The following AP4E1 variants were observed in gnomAD, a reference collection of about 807,000 sequenced individuals.
AP4E1 encodes adaptor related protein complex 4 subunit epsilon 1.
A neutral mutation model predicts 128.2 loss-of-function variants in AP4E1; 56 were observed. The ratio of observed to expected loss-of-function variants is 0.44; its 90% CI spans 0.35 to 0.55. The LOEUF (loss-of-function observed/expected upper bound fraction) is 0.55, where lower values mean the gene tolerates loss of function less well. AP4E1 is among the 20% of genes least tolerant of loss of function. AP4E1 has a pLI of 0.00. For synonymous variants in AP4E1, 484 were observed against 473.1 expected, an observed-to-expected ratio of 1.02 and a Z score of -0.30; for missense variants, 1,324 against 1,307.7, an observed-to-expected ratio of 1.01 and a Z score of -0.19.
intron 2 of AP4E1, among the ~76,000 whole-genome samples, chr15:50,913,705 A>G (rs2063592900): frequency 6.6e-6 from 1 of 152,254 alleles, no homozygotes; most frequent in African/African-American, 2.4e-5. Context: ...TTGAAACTTA[A>G]TGGCTTAAAT....
chr15:51,002,572 A>G lies in AP4E1; in HGVS notation c.3324A>G (p.Ala1108=). The change falls in exon 21 of 21, where the codon GCA becomes GCG. Residue 1108 remains alanine, a synonymous_variant. Transcript: ENST00000261842. ...IPCLLHCRVH[A]DVLALWFRSS... is the part of the protein sequence containing the mutation. Reference sequence around the variant, plus strand: ...GCTTACTGCATTGCCGAGTTCATGCAGATGTATTAGCCCTGTGGTTCAGAT... The same window carrying G: ...GCTTACTGCATTGCCGAGTTCATGCGGATGTATTAGCCCTGTGGTTCAGAT... 1 of 1,614,184 alleles carries G rather than the reference A, an allele frequency of 6.2e-7. No homozygotes were observed. The highest frequency in any genetic ancestry group is 8.5e-7 in the Non-Finnish European group (1 of 1,180,024).
intron 15 of AP4E1, among the ~76,000 whole-genome samples, chr15:50,980,010 C>T (rs781161759): frequency 3.3e-5 from 5 of 151,936 alleles, no homozygotes; most frequent in Non-Finnish European, 5.9e-5. Flanking sequence ...CTTAGATTGC[C>T]GTAAACATAA....
Position 51,004,168 on chromosome 15 carries a change from C to T in AP4E1, c.*1506C>T, listed in dbSNP as rs765216634. On this transcript the variant is annotated 3_prime_UTR_variant, in exon 21 of 21. Transcript: ENST00000261842. ...CCTTTTGAATAGATCAGATTCATCC[C>T]CAGGCTCTCAGCAGTGTCATGATGA... 6 of 152,134 alleles carry T rather than the reference C, an allele frequency of 3.9e-5. No homozygotes were observed. The highest frequency in any genetic ancestry group is 7.3e-5 in the Non-Finnish European group (5 of 68,046). The allele number at this position is 152,134 out of a possible 1,614,324, so 9.4% of individuals were successfully genotyped here.
intron 14 of AP4E1, among the ~76,000 whole-genome samples, chr15:50,963,661 A>G (rs1352475226): frequency 6.6e-6 from 1 of 152,212 alleles, no homozygotes; most frequent in Non-Finnish European, 1.5e-5. Flanking sequence ...TAGGGTGACT[A>G]TAGTTAGTAA....
At chr15:50,908,449 A>G (rs1187418761), upstream of AP4E1, 1 of 236,732 alleles carries the variant, frequency 4.2e-6, no homozygotes, top group African/African-American at 2.3e-5. Context: ...TCTGGGAGAC[A>G]GTGCCTAACA....
At chr15:50,986,597 T>G (rs1376544680) in intron 16 of AP4E1, among the ~76,000 whole-genome samples, 29 of 152,246 alleles carry the variant, frequency 1.9e-4, no homozygotes, top group Admixed American at 1.8e-3. Context: ...TCTGTTTATA[T>G]GCTGGATTAC....
chr15:50,938,505 C>A (rs955267714), intron 8 of AP4E1, among the ~76,000 whole-genome samples: 3 of 152,154 alleles, frequency 2.0e-5, no homozygotes, highest in African/African-American at 7.2e-5. Flanking sequence ...GCCCAAGAGA[C>A]AGCTGGAATT....
In AP4E1 at chr15:50,997,849, C is replaced by T. The variant is rs1410938288; in HGVS notation, c.2870C>T (p.Ala957Val). ...AAGAGTGGTTTGGAATTGAAAAGTGCTGACTTAGAAATTTTTCCTGCAGAA... is the reference window on the plus strand; with the variant it reads ...AAGAGTGGTTTGGAATTGAAAAGTGTTGACTTAGAAATTTTTCCTGCAGAA... ...TNKSGLELKS[A>V]DLEIFPAENF... Residue 957 changes from alanine to valine, a missense_variant, in exon 18 of 21, where the codon GCT (alanine) becomes GTT (valine). Transcript: ENST00000261842. The T allele has an allele frequency of 6.3e-7, 1 of 1,598,428 alleles. No individual in the cohort carries two copies. The highest frequency in any genetic ancestry group is 1.1e-5 in the South Asian group (1 of 89,748).
intron 15 of AP4E1, among the ~76,000 whole-genome samples, chr15:50,974,266 AT>A (rs958466492): frequency 0.029 from 3,220 of 112,514 alleles, 105 homozygotes; most frequent in African/African-American, 0.095. Context: ...GTGCCCGGCC[AT>A]TTTTTTTTTT....
At chr15:50,963,181 CAG>C (rs139917489) in intron 14 of AP4E1, among the ~76,000 whole-genome samples, 6,634 of 152,102 alleles carry the variant, frequency 0.044, 461 homozygotes, top group African/African-American at 0.15. Context: ...GAAAACAGCA[CAG>C]AGAGTTTTCA....
chr15:50,931,002 AC>A (rs1337829128), intron 7 of AP4E1, 31 bp downstream of exon 7: 1 of 1,611,852 alleles, frequency 6.2e-7, no homozygotes, highest in Non-Finnish European at 8.5e-7. Flanking sequence ...TTGCTTAATG[AC>A]CCCCATACCA....
upstream of AP4E1, among the ~76,000 whole-genome samples, chr15:50,907,704 T>A (rs1016720876): frequency 2.6e-5 from 4 of 152,186 alleles, no homozygotes; most frequent in Non-Finnish European, 5.9e-5. Context: ...TTGAAAACTC[T>A]GTACATTTCC....
At chr15:51,000,933 A>C in intron 19 of AP4E1, 93 bp from the exon 20 acceptor site, 1 of 1,040,632 alleles carries the variant, frequency 9.6e-7, no homozygotes, top group East Asian at 2.4e-5. Flanking sequence ...ATTTACAATG[A>C]TTATGTTTTA....
chr15:51,002,888 CTAAGCTAATGTTA>C lies in AP4E1; in HGVS notation c.*230_*242del. The C allele has an allele frequency of 1.9e-6, 1 of 528,582 alleles. No individual in the cohort carries two copies. The highest frequency in any genetic ancestry group is 2.0e-5 in the South Asian group (1 of 48,944). The allele number at this position is 528,582 out of a possible 1,614,324, so 32.7% of individuals were successfully genotyped here. A position where few individuals can be genotyped will look rare whatever the true frequency, so the allele number is the denominator to read the frequency against. ...ATGTTTAGGTCCCTCAAAAAGTGAC[CTAAGCTAATGTTA>C]TAAACTGCTAATGATTTATATATCA... On this transcript the variant is annotated 3_prime_UTR_variant, in exon 21 of 21. Transcript: ENST00000261842.
intron 13 of AP4E1, 107 bp from the exon 14 acceptor site, chr15:50,958,385 A>T: frequency 1.1e-6 from 1 of 901,008 alleles, no homozygotes; most frequent in Non-Finnish European, 1.7e-6. Flanking sequence ...GAGGATGTTT[A>T]ATCTACTTTA....
chr15:50,920,106 A>T (rs888384497), intron 3 of AP4E1, among the ~76,000 whole-genome samples: 103 of 94,086 alleles, frequency 1.1e-3, no homozygotes, highest in Middle Eastern at 5.6e-3. Flanking sequence ...GATAAAATTT[A>T]TGCCTTTTTT....
At chr15:50,984,411 A>G (rs945933752) in intron 16 of AP4E1, among the ~76,000 whole-genome samples, 1 of 150,650 alleles carries the variant, frequency 6.6e-6, no homozygotes, top group Non-Finnish European at 1.5e-5. Flanking sequence ...GCACCCATTA[A>G]CTCGTCATTT....
intron 8 of AP4E1, among the ~76,000 whole-genome samples, chr15:50,941,017 A>G (rs898459219): frequency 1.3e-5 from 2 of 152,160 alleles, no homozygotes; most frequent in African/African-American, 4.8e-5. Context: ...AAACCATTTT[A>G]AAGCATTAAA....
intron 3 of AP4E1, 58 bp from the exon 4 acceptor site, chr15:50,923,873 C>T (rs1433869330): frequency 3.1e-5 from 40 of 1,295,226 alleles, no homozygotes; most frequent in African/African-American, 8.7e-5. Context: ...TGTTTAACTT[C>T]GTGTGAAAAG....
Sources: gnomAD v4.1 joint callset for allele counts (sites outside exome capture counted in the v4.1 genomes callset) on GRCh38, gnomAD v4.1.1 for gene constraint, MANE v1.5 for transcripts, NCBI Gene and HGNC (gene_info 2026-07-23, HGNC 2026-07-21) for gene names.